The following ABLIM2 variants were observed in gnomAD, a reference collection of about 807,000 sequenced individuals.
ABLIM2 encodes the protein actin binding LIM protein family member 2.
ABLIM2 carries 53 observed loss-of-function variants against 97.7 expected under a neutral mutation model. The observed-to-expected ratio is 0.54, with a 90% CI of 0.44 to 0.68. ABLIM2 has a LOEUF of 0.68. ABLIM2 is among the 30% of genes least tolerant of loss of function. ABLIM2 has a pLI of 0.00. For synonymous variants in ABLIM2, 361 were observed against 345.8 expected (o/e 1.04, Z -0.49); for missense variants, 835 against 867.2 (o/e 0.96, Z 0.47).
rs1300847668 is a variant in ABLIM2 at position 7,965,879 on chromosome 4, A to T, written c.*1111T>A. 6.8e-6 allele frequency: 1 copy of T among 148,054 alleles called. No homozygotes were observed. Among genetic ancestry groups the T allele is most frequent in the Non-Finnish European group, 1.5e-5 (1 of 68,074 alleles). The allele number at this position is 148,054 out of a possible 1,614,324, so 9.2% of individuals were successfully genotyped here. Reference sequence around the variant, plus strand: ...ATCGCTCCTGGGGCATGTGGGGTTTATGTTTCAGGCTGAGACACCGCCAGC... The same window carrying T: ...ATCGCTCCTGGGGCATGTGGGGTTTTTGTTTCAGGCTGAGACACCGCCAGC... On this transcript the variant is annotated 3_prime_UTR_variant, in exon 21 of 21. Coordinates refer to ENST00000447017, the MANE Select transcript of ABLIM2 (RefSeq NM_001130083.2).
chr4:8,000,956 G>A (rs373841844), intron 16 of ABLIM2, among the ~76,000 whole-genome samples: 2 of 152,210 alleles, frequency 1.3e-5, no homozygotes, highest in African/African-American at 4.8e-5. Flanking sequence ...ATGGGCAGAG[G>A]ACTGTGGCTC....
rs1024565528 is a variant in ABLIM2 at position 7,969,592 on chromosome 4, C to A, written c.1825-2489G>T. Among the ~76,000 whole-genome samples, 67 of 152,096 alleles carry A rather than the reference C, an allele frequency of 4.4e-4. 3 individuals carry two copies. On this transcript the variant is annotated intron_variant, in intron 20 of 20. Coordinates refer to ENST00000447017, the MANE Select transcript of ABLIM2 (RefSeq NM_001130083.2). ...CACTCACGCATTTCACAAGAATCAC[C>A]AAATCTGTGTGGTATGCCCTGGATT...
At chr4:7,977,678 C>T (rs933697413) in intron 20 of ABLIM2, among the ~76,000 whole-genome samples, 1 of 152,056 alleles carries the variant, frequency 6.6e-6, no homozygotes, top group African/African-American at 2.4e-5. Context: ...GTAGTCCCAG[C>T]TACTCAGGAG....
At position 8,075,715 on chromosome 4, in the gene ABLIM2, T is replaced by C. The variant is rs1815591154; in HGVS notation, c.675+1913A>G. On this transcript the variant is annotated intron_variant, in intron 6 of 20. Transcript: ENST00000447017. The surrounding 1 kb of genome is among the most constrained non-coding windows in gnomAD (Gnocchi z 4.4). ...CAAAAAAAGAAAAAAAAGAAAACCATTGACTTGTGCCCTTTAAATGGGCAA... is the reference window on the plus strand; with the variant it reads ...CAAAAAAAGAAAAAAAAGAAAACCACTGACTTGTGCCCTTTAAATGGGCAA... Among the ~76,000 whole-genome samples the C allele has an allele frequency of 6.6e-6, 1 of 152,072 alleles. No homozygotes were observed. Among genetic ancestry groups the C allele is most frequent in the South Asian group, 2.1e-4 (1 of 4,816 alleles).
intron 20 of ABLIM2, among the ~76,000 whole-genome samples, chr4:7,982,199 TCCTTCC>T (rs1739166032): frequency 1.3e-5 from 2 of 149,868 alleles, no homozygotes; most frequent in South Asian, 2.3e-4. Flanking sequence ...CCCCTCCAAC[TCCTTCC>T]CCAGCTGCAG....
At chr4:8,080,870 C>T (rs972688178) in intron 4 of ABLIM2, 68 bp from the exon 5 acceptor site, 4 of 1,527,236 alleles carry the variant, frequency 2.6e-6, no homozygotes, top group Middle Eastern at 2.4e-4. Flanking sequence ...GCCTCCTGCT[C>T]TCCACACTCC....
chr4:8,131,721 C>A (rs1478781336), intron 1 of ABLIM2, among the ~76,000 whole-genome samples: 5 of 90,270 alleles, frequency 5.5e-5, no homozygotes, highest in African/African-American at 2.5e-4. Flanking sequence ...CATCCCTGAG[C>A]ACAGCAGCCC....
At chr4:8,103,317 A>G (rs1285106595) in intron 2 of ABLIM2, among the ~76,000 whole-genome samples, 1 of 152,244 alleles carries the variant, frequency 6.6e-6, no homozygotes, top group Non-Finnish European at 1.5e-5. Context: ...TTAATGCAAG[A>G]CTGCAAGGTC....
chr4:8,065,741 T>C (rs559475992), intron 6 of ABLIM2, among the ~76,000 whole-genome samples: 1 of 151,610 alleles, frequency 6.6e-6, no homozygotes, highest in East Asian at 2.0e-4. Flanking sequence ...TTGACCAACA[T>C]GGTGAAACGC....
At position 8,002,089 on chromosome 4, in the gene ABLIM2, C is replaced by T. The variant is rs113598507; in HGVS notation, c.1618+5970G>A. 2.6e-5 allele frequency among the ~76,000 whole-genome samples: 4 copies of T among 152,180 alleles called. No homozygotes were observed. Among genetic ancestry groups the T allele is most frequent in the Admixed American group, 1.3e-4 (2 of 15,282 alleles). The stretch of plus-strand genomic sequence containing the variant: ...GGAACACAAACTCAGGACACAGCCA[C>T]GTACTCACAGTTGGAGTGGCTGGGG... On this transcript the variant is annotated intron_variant, in intron 16 of 20. Coordinates refer to ENST00000447017, the MANE Select transcript of ABLIM2 (RefSeq NM_001130083.2). This position sits in a 1 kb window ranked among gnomAD's most constrained non-coding sequence, Gnocchi z 6.1.
At chr4:8,076,790 C>T (rs13145155) in intron 6 of ABLIM2, among the ~76,000 whole-genome samples, 2 of 108,432 alleles carry the variant, frequency 1.8e-5, no homozygotes, top group Admixed American at 9.0e-5. Context: ...GGTCTGTGAA[C>T]CCAGAGAGGG....
chr4:8,109,481 TCAGA>T (rs1578053568), intron 1 of ABLIM2, among the ~76,000 whole-genome samples: 1 of 152,226 alleles, frequency 6.6e-6, no homozygotes, highest in Non-Finnish European at 1.5e-5. Context: ...TGACTGCATC[TCAGA>T]CAGAGGAGGC....
At chr4:8,145,889 G>T (rs1331417697) in intron 1 of ABLIM2, among the ~76,000 whole-genome samples, 3 of 151,978 alleles carry the variant, frequency 2.0e-5, no homozygotes, top group Non-Finnish European at 4.4e-5. Flanking sequence ...AAGAGGACCT[G>T]GCCAGCCGCC....
intron 20 of ABLIM2, among the ~76,000 whole-genome samples, chr4:7,980,953 T>TTTTTTTTTTTTTTTTTA: frequency 7.7e-6 from 1 of 130,556 alleles, no homozygotes; most frequent in East Asian, 2.7e-4. Flanking sequence ...TTTTTTTTTT[T>TTTTTTTTTTTTTTTTTA]TTTTTTTTGA....
intron 20 of ABLIM2, among the ~76,000 whole-genome samples, chr4:7,976,325 C>G (rs1733012271): frequency 6.6e-6 from 1 of 152,176 alleles, no homozygotes; most frequent in Non-Finnish European, 1.5e-5. Flanking sequence ...CACCAGTCCA[C>G]AAACAGTGTC....
intron 3 of ABLIM2, among the ~76,000 whole-genome samples, chr4:8,090,289 C>T (rs1336350081): frequency 2.0e-5 from 3 of 152,176 alleles, no homozygotes; most frequent in South Asian, 2.1e-4. Flanking sequence ...GTGCTTGGAG[C>T]GAATCTCTGG....
intron 1 of ABLIM2, among the ~76,000 whole-genome samples, chr4:8,141,367 C>T (rs914805200): frequency 2.0e-5 from 3 of 152,170 alleles, no homozygotes; most frequent in Non-Finnish European, 2.9e-5. Flanking sequence ...TCTTCCTCCT[C>T]GGCAAATCAC....
rs1841147056 is a variant in ABLIM2, at chr4:8,113,060, G to C, written c.11-6423C>G. On this transcript the variant is annotated intron_variant, in intron 1 of 20. Coordinates refer to ENST00000447017, the MANE Select transcript of ABLIM2 (RefSeq NM_001130083.2). This position sits in a 1 kb window ranked among gnomAD's most constrained non-coding sequence, Gnocchi z 4.5. ...CCAGCGAACCAGCTCTCACGACCCAGACAGCAGAGTCCTCATCATTCCGTG... is the reference window on the plus strand; with the variant it reads ...CCAGCGAACCAGCTCTCACGACCCACACAGCAGAGTCCTCATCATTCCGTG... Among the ~76,000 whole-genome samples the C allele has an allele frequency of 6.6e-6, 1 of 152,150 alleles. No individual in the cohort carries two copies.
intron 12 of ABLIM2, chr4:8,020,846 CTTTTTTT>C (rs34799650): frequency 3.2e-5 from 3 of 94,742 alleles, no homozygotes; most frequent in East Asian, 6.0e-4. Context: ...TTACCACATT[CTTTTTTT>C]TTTTTTTTTT....
Sources: gnomAD v4.1 joint callset for allele counts (sites outside exome capture counted in the v4.1 genomes callset) on GRCh38, gnomAD v4.1.1 for gene constraint, Gnocchi (gnomAD v3.1) non-coding constraint, MANE v1.5 for transcripts, NCBI Gene and HGNC (gene_info 2026-07-23, HGNC 2026-07-21) for gene names.